The following FBN3 variants were observed in gnomAD, a reference collection of about 807,000 sequenced individuals.
FBN3 encodes the protein fibrillin 3, also known as fibrillin-3.
FBN3 carries 234 observed loss-of-function variants against 330.1 expected under a neutral mutation model. The ratio of observed to expected loss-of-function variants is 0.71; its 90% CI spans 0.64 to 0.79. The LOEUF is 0.79. FBN3 is among the 30% of genes least tolerant of loss of function. FBN3 has a pLI of 0.00. For missense variants in FBN3, 3,606 were observed against 3,886.9 expected, an observed-to-expected ratio of 0.93 and a Z score of 1.92; for synonymous variants, 1,458 against 1,517.3, an observed-to-expected ratio of 0.96 and a Z score of 0.91.
In FBN3 at chr19:8,087,346, T is replaced by C. The variant is rs2081987249; in HGVS notation, c.6620-135A>G. ...GACCCTGTCAAATGTCTATCCCTCT[T>C]AGGAAGGGAGCCCCCAGCTCCTGCC... On this transcript the variant is annotated intron_variant, in intron 53 of 63. Transcript: ENST00000600128. The C allele has an allele frequency of 8.0e-6, 8 of 994,112 alleles. No individual in the cohort carries two copies. The South Asian group carries it at 1.3e-4, about 17-fold the overall frequency. The allele number at this position is 994,112 out of a possible 1,614,324, so 61.6% of individuals were successfully genotyped here.
chr19:8,082,596 C>T lies in FBN3; in HGVS notation c.7213+651G>A, dbSNP rs146934134. Among the ~76,000 whole-genome samples the T allele has an allele frequency of 5.1e-3, 775 of 151,844 alleles. 6 individuals are homozygous for T. Among genetic ancestry groups the T allele is most frequent in the African/African-American group, 0.018 (746 of 41,404 alleles). ...ACAACCTCCACTTCCTGGGTTCAAA[C>T]GATTCTCCTGCCTCAGCCTCCCGCG... On this transcript the variant is annotated intron_variant, in intron 57 of 63. Transcript: ENST00000600128.
chr19:8,146,005 C>A, intron 4 of FBN3, 67 bp from the exon 5 acceptor site: 2 of 1,499,118 alleles, frequency 1.3e-6, no homozygotes, highest in Non-Finnish European at 1.8e-6. Flanking sequence ...CCTAGGAAGG[C>A]TGCAGGACTA....
At chr19:8,073,012 CATG>C in intron 62 of FBN3, 48 bp downstream of exon 62, 1 of 1,022,400 alleles carries the variant, frequency 9.8e-7, no homozygotes, top group Non-Finnish European at 1.5e-6. Flanking sequence ...TGCGTGCGTG[CATG>C]GACGCTTGCG....
chr19:8,099,501 C>T (rs1053390787), intron 41 of FBN3, among the ~76,000 whole-genome samples: 12 of 150,640 alleles, frequency 8.0e-5, no homozygotes, highest in African/African-American at 2.2e-4. Flanking sequence ...AGGATGGTCT[C>T]GATCTCCTGA....
In FBN3 at chr19:8,132,972, C is replaced by T. The variant is rs2083184790; in HGVS notation, c.1714+12G>A. On this transcript the variant is annotated intron_variant, in intron 14 of 63. Transcript: ENST00000600128. ...TTCTCCCCTCCGCTGGCCAGTCTGG[C>T]TCCAGGCTCACCCATGCAGTAGTGG... 2 of 1,544,552 alleles carry T rather than the reference C, an allele frequency of 1.3e-6. No homozygotes were observed. The highest frequency in any genetic ancestry group is 2.7e-5 in the African/African-American group (2 of 73,452).
chr19:8,066,126 G>A lies in FBN3; in HGVS notation c.8223C>T (p.Ile2741=), dbSNP rs374334624. Residue 2741 remains isoleucine (I), a synonymous_variant, in exon 64 of 64, where the codon ATC becomes ATT. Coordinates refer to ENST00000600128, the MANE Select transcript of FBN3 (RefSeq NM_032447.5). The stretch of plus-strand genomic sequence containing the variant: ...AGAAACCTTGCTCGTTTCCGCGGAC[G>A]ATGACGTAGCGGATCCGGCCCTCTA... ...EGLEGRIRYV[I]VRGNEQGFFR... The A allele has an allele frequency of 2.3e-5, 37 of 1,613,438 alleles. No individual in the cohort carries two copies. In the Admixed American group the frequency reaches 2.3e-4, roughly 10 times the overall value.
chr19:8,086,233 A>G lies in FBN3; in HGVS notation c.6847T>C (p.Phe2283Leu), dbSNP rs765381382. The change falls in exon 55 of 64, where the codon TTC (phenylalanine) becomes CTC (leucine). Residue 2283 changes from phenylalanine (F) to leucine (L), a missense_variant. Coordinates refer to ENST00000600128, the MANE Select transcript of FBN3 (RefSeq NM_032447.5). The part of the protein sequence containing the change: ...GSFRCDCDEG[F>L]QPSPTLTECH... ...TCGGTAAGGGTGGGGCTGGGCTGGA[A>G]TCCCTCATCACAGTCGCACCGGAAG... 6 of 1,606,634 alleles carry G rather than the reference A, an allele frequency of 3.7e-6. No individual in the cohort carries two copies. In the East Asian group the frequency reaches 1.1e-4, roughly 30 times the overall value.
rs1340179683 is a variant in FBN3, at chr19:8,131,552, A to G, written c.1990+2T>C. 6.2e-7 allele frequency: 1 copy of G among 1,603,374 alleles called. No homozygotes were observed. Among genetic ancestry groups the G allele is most frequent in the Admixed American group, 1.7e-5 (1 of 59,482 alleles). On this transcript the variant is annotated splice_donor_variant, in intron 15 of 63. Transcript: ENST00000600128. LOFTEE classifies it high-confidence loss of function. This position sits in a 1 kb window ranked among gnomAD's most constrained non-coding sequence, Gnocchi z 4.5. Reference sequence around the variant, plus strand: ...ATGGGGACCGGGCAGCCGGATGCTCACCGGAGTCTTTGGCAGGACAAAGCT... The same window carrying G: ...ATGGGGACCGGGCAGCCGGATGCTCGCCGGAGTCTTTGGCAGGACAAAGCT...
At chr19:8,147,798 G>A (rs2083587032) in intron 1 of FBN3, 2 of 296,498 alleles carry the variant, frequency 6.7e-6, no homozygotes, top group East Asian at 1.2e-4. Context: ...AGGCGTTGCA[G>A]GAGTGGGCAT....
At chr19:8,107,599 A>C (rs902590067) in intron 37 of FBN3, among the ~76,000 whole-genome samples, 1 of 145,880 alleles carries the variant, frequency 6.9e-6, no homozygotes, top group African/African-American at 2.6e-5. Context: ...ATGAATGGAC[A>C]GAAAGATGGG....
chr19:8,121,320 C>T lies in FBN3; in HGVS notation c.3149G>A (p.Ser1050Asn), dbSNP rs772342327. Reference protein sequence around the residue: ...GQGTCVNTPGSFECECFPGYE... With the variant: ...GQGTCVNTPGNFECECFPGYE... Reference sequence around the variant, plus strand: ...GCCGGGAAAACACTCGCACTCAAAGCTGCCCGGCGTGTTGACACAGGTGCC... The same window carrying T: ...GCCGGGAAAACACTCGCACTCAAAGTTGCCCGGCGTGTTGACACAGGTGCC... The change falls in exon 25 of 64, where the codon AGC (serine) becomes AAC (asparagine). Residue 1050 changes from serine (S) to asparagine (N), a missense_variant. By Grantham distance (46) the Ser-to-Asn change is conservative. Coordinates refer to ENST00000600128, the MANE Select transcript of FBN3 (RefSeq NM_032447.5). This position sits in a 1 kb window ranked among gnomAD's most constrained non-coding sequence, Gnocchi z 4.5. 1 of 1,613,572 alleles carries T rather than the reference C, an allele frequency of 6.2e-7. No individual in the cohort carries two copies. Among genetic ancestry groups the T allele is most frequent in the Non-Finnish European group, 8.5e-7 (1 of 1,179,720 alleles).
rs144054990 is a variant in FBN3, at chr19:8,148,713, G to A, written c.-18+736C>T. The A allele has an allele frequency of 5.9e-5, 9 of 152,448 alleles. No homozygotes were observed. In the East Asian group the frequency reaches 1.7e-3, roughly 29 times the overall value. The allele number at this position is 152,448 out of a possible 1,614,324, so 9.4% of individuals were successfully genotyped here. A position where few individuals can be genotyped will look rare whatever the true frequency, so the allele number is the denominator to read the frequency against. ...TGGAGAATGGGCGGGGAGCCCTGCTGTGTGGTCTTGGCCACGCCCCTCTCT... is the reference window on the plus strand; with the variant it reads ...TGGAGAATGGGCGGGGAGCCCTGCTATGTGGTCTTGGCCACGCCCCTCTCT... On this transcript the variant is annotated intron_variant, in intron 1 of 63. Coordinates refer to ENST00000600128, the MANE Select transcript of FBN3 (RefSeq NM_032447.5).
At chr19:8,123,624 C>T (rs746324214) in intron 23 of FBN3, 35 bp from the exon 24 acceptor site, 4 of 1,611,650 alleles carry the variant, frequency 2.5e-6, no homozygotes, top group South Asian at 1.1e-5. Flanking sequence ...CCCTGACGTC[C>T]CCAAGCTCAG....
chr19:8,138,076 T>C (rs1249126552), intron 10 of FBN3, 65 bp downstream of exon 10: 3 of 1,480,890 alleles, frequency 2.0e-6, no homozygotes, highest in Non-Finnish European at 2.7e-6. Flanking sequence ...TGTTTGGAGC[T>C]CTCTCCCCAG....
At chr19:8,104,165 GA>G (rs34779277) in intron 38 of FBN3, among the ~76,000 whole-genome samples, 61,732 of 120,818 alleles carry the variant, frequency 0.51, 14,947 homozygotes, top group East Asian at 0.74. Flanking sequence ...GACATTAAGT[GA>G]AAAAAAAAAA....
intron 48 of FBN3, among the ~76,000 whole-genome samples, chr19:8,091,014 C>T (rs1265249129): frequency 6.6e-6 from 1 of 152,142 alleles, no homozygotes; most frequent in African/African-American, 2.4e-5. Context: ...CCTCCCAGAA[C>T]AGCAAATATT....
At position 8,102,824 on chromosome 19, in the gene FBN3, A is replaced by T. The variant is rs2082355272; in HGVS notation, c.4989T>A (p.Asn1663Lys). 1 of 1,609,532 alleles carries T rather than the reference A, an allele frequency of 6.2e-7. No individual in the cohort carries two copies. The highest frequency in any genetic ancestry group is 8.5e-7 in the Non-Finnish European group (1 of 1,175,840). The change falls in exon 40 of 64, where the codon AAT (asparagine) becomes AAA (lysine). Residue 1663 changes from asparagine (N) to lysine (K), a missense_variant. Coordinates refer to ENST00000600128, the MANE Select transcript of FBN3 (RefSeq NM_032447.5). ...CFRHYNGTCQ[N>K]ELAFNVTRKM... Reference sequence around the variant, plus strand: ...TCCGGGTCACGTTGAAGGCCAGCTCATTTTGACATGTGCCGTTATAGTGCC... The same window carrying T: ...TCCGGGTCACGTTGAAGGCCAGCTCTTTTTGACATGTGCCGTTATAGTGCC...
rs760740820 is a variant in FBN3 at position 8,095,514 on chromosome 19, G to GA, written c.5657-12dup. 1.2e-6 allele frequency: 2 copies of GA among 1,611,654 alleles called. No homozygotes were observed. The highest frequency in any genetic ancestry group is 1.1e-5 in the South Asian group (1 of 90,804). Reference sequence around the variant, plus strand: ...TACACTCATCAAAATCTGTAGAGGGGAGATGGGCAGGCCAGTTCACCCACA... The same window carrying GA: ...TACACTCATCAAAATCTGTAGAGGGGAAGATGGGCAGGCCAGTTCACCCACA... On this transcript the variant is annotated splice_polypyrimidine_tract_variant and intron_variant, in intron 45 of 63. Transcript: ENST00000600128.
chr19:8,084,362 A>G (rs904977610), intron 56 of FBN3, among the ~76,000 whole-genome samples: 3 of 151,962 alleles, frequency 2.0e-5, no homozygotes, highest in Admixed American at 2.0e-4. Context: ...GTCCGGAACG[A>G]GCTCTCACTC....
Sources: allele counts gnomAD v4.1 joint callset (sites outside exome capture counted in the v4.1 genomes callset), GRCh38; gene constraint gnomAD v4.1.1; non-coding constraint Gnocchi (gnomAD v3.1); transcripts MANE v1.5; gene names NCBI Gene and HGNC (gene_info 2026-07-23, HGNC 2026-07-21).